The following TMEM45B variants were observed in gnomAD, a reference collection of about 807,000 sequenced individuals.
TMEM45B encodes transmembrane protein 45B.
In TMEM45B, 29 loss-of-function variants were observed where a neutral mutation model predicts 27.3. That is an observed-to-expected ratio of 1.06 (90% confidence interval 0.79 to 1.45). The LOEUF (loss-of-function observed/expected upper bound fraction) is 1.45, where lower values mean the gene tolerates loss of function less well. Ranked by LOEUF, TMEM45B falls within the 40% of genes most tolerant of loss-of-function variation. The pLI is 0.00. For synonymous variants in TMEM45B, 143 were observed against 134.7 expected, an observed-to-expected ratio of 1.06 and a Z score of -0.43; for missense variants, 348 against 343.9, an observed-to-expected ratio of 1.01 and a Z score of -0.09.
chr11:129,835,099 C>A (rs1321620051), intron 1 of TMEM45B, among the ~76,000 whole-genome samples: 8 of 152,216 alleles, frequency 5.3e-5, no homozygotes, highest in African/African-American at 1.9e-4. Flanking sequence ...CTGAAGGTGG[C>A]CTGATTTCTT....
intron 1 of TMEM45B, among the ~76,000 whole-genome samples, chr11:129,826,731 G>A (rs573353972): frequency 2.4e-4 from 35 of 143,456 alleles, no homozygotes; most frequent in Admixed American, 4.3e-4. Context: ...TTTTTGAGAC[G>A]GAGTCTCGAT....
chr11:129,843,115 A>AT (rs1480446385), intron 1 of TMEM45B, among the ~76,000 whole-genome samples: 3 of 152,238 alleles, frequency 2.0e-5, no homozygotes, highest in Non-Finnish European at 2.9e-5. Context: ...AATTTTTTGT[A>AT]TTTTTGGTAG....
chr11:129,837,277 G>C (rs1014107289), intron 1 of TMEM45B, among the ~76,000 whole-genome samples: 1 of 151,570 alleles, frequency 6.6e-6, no homozygotes, highest in African/African-American at 2.4e-5. Flanking sequence ...AGAGTGAGGG[G>C]TTTCTTTTTT....
At chr11:129,823,304 A>G (rs1404644889) in intron 1 of TMEM45B, among the ~76,000 whole-genome samples, 1 of 152,188 alleles carries the variant, frequency 6.6e-6, no homozygotes, top group Admixed American at 6.5e-5. Context: ...GTTTTAGATC[A>G]CGTGAAGGGA....
At chr11:129,828,137 A>C (rs1266812102) in intron 1 of TMEM45B, 1 of 152,174 alleles carries the variant, frequency 6.6e-6, no homozygotes, top group Non-Finnish European at 1.5e-5. Context: ...CCATTGTATT[A>C]TTTCCTTAGC....
At chr11:129,831,316 T>G (rs1394678459) in intron 1 of TMEM45B, among the ~76,000 whole-genome samples, 1 of 152,206 alleles carries the variant, frequency 6.6e-6, no homozygotes, top group Non-Finnish European at 1.5e-5. Flanking sequence ...CCAGCATCAC[T>G]ACTTTTTCAT....
chr11:129,852,768 G>A, intron 2 of TMEM45B, 108 bp downstream of exon 2: 2 of 1,240,290 alleles, frequency 1.6e-6, no homozygotes, highest in South Asian at 1.6e-5. Flanking sequence ...AGAGATAATA[G>A]GGCAACAATT....
intron 1 of TMEM45B, among the ~76,000 whole-genome samples, chr11:129,837,710 C>T (rs1392690745): frequency 6.7e-6 from 1 of 150,012 alleles, no homozygotes; most frequent in Non-Finnish European, 1.5e-5. Context: ...CCACCACACC[C>T]AGCTAATTTT....
At chr11:129,848,524 G>A (rs1021951739) in intron 1 of TMEM45B, among the ~76,000 whole-genome samples, 19 of 151,838 alleles carry the variant, frequency 1.3e-4, no homozygotes, top group Non-Finnish European at 2.4e-4. Flanking sequence ...AGAGGGAGAG[G>A]GAGAGGGCTT....
At chr11:129,819,528 T>G (rs1347275487) in intron 1 of TMEM45B, among the ~76,000 whole-genome samples, 1 of 152,038 alleles carries the variant, frequency 6.6e-6, no homozygotes, top group African/African-American at 2.4e-5. Flanking sequence ...GTCTTTTCTT[T>G]TCTTTTCTTT....
intron 5 of TMEM45B, 25 bp downstream of exon 5, chr11:129,857,483 T>G (rs755985154): frequency 6.2e-7 from 1 of 1,613,148 alleles, no homozygotes; most frequent in Non-Finnish European, 8.5e-7. Context: ...TCAGTGAAGC[T>G]TTTCCTCCTA....
At chr11:129,832,550 C>T (rs1217076640) in intron 1 of TMEM45B, among the ~76,000 whole-genome samples, 1 of 150,514 alleles carries the variant, frequency 6.6e-6, no homozygotes, top group Non-Finnish European at 1.5e-5. Context: ...GGGGGGCTGG[C>T]GGGAAACGGG....
chr11:129,839,044 C>T (rs1188556374), intron 1 of TMEM45B, among the ~76,000 whole-genome samples: 2 of 152,194 alleles, frequency 1.3e-5, no homozygotes, highest in African/African-American at 4.8e-5. Flanking sequence ...TCCTCATTCT[C>T]CCTTACTCTT....
rs1287129289 is a variant in TMEM45B, at chr11:129,859,322, G to A, written c.*637G>A. ...GATTTTTTTTTAAATCAGGAAGCTG[G>A]TTACTGGCTCTACTGAGAGTTGGAG... On this transcript the variant is annotated 3_prime_UTR_variant, in exon 6 of 6. Coordinates refer to ENST00000281441, the MANE Select transcript of TMEM45B (RefSeq NM_138788.5). The A allele has an allele frequency of 6.6e-6, 1 of 151,996 alleles. No homozygotes were observed. Among genetic ancestry groups the A allele is most frequent in the African/African-American group, 2.4e-5 (1 of 41,366 alleles). 9.4% of individuals were successfully genotyped at this position (151,996 alleles called of 1,614,324 possible).
intron 1 of TMEM45B, among the ~76,000 whole-genome samples, chr11:129,843,028 C>G (rs1947714087): frequency 6.6e-6 from 1 of 152,248 alleles, no homozygotes; most frequent in African/African-American, 2.4e-5. Context: ...TAACCTCCGC[C>G]TCTCAGGTTC....
intron 1 of TMEM45B, among the ~76,000 whole-genome samples, chr11:129,833,529 C>G (rs1947579661): frequency 6.6e-6 from 1 of 152,040 alleles, no homozygotes; most frequent in Admixed American, 6.6e-5. Context: ...AATCCCAGCA[C>G]TTTGGGAGGC....
intron 1 of TMEM45B, among the ~76,000 whole-genome samples, chr11:129,835,751 G>A (rs1947612269): frequency 6.6e-6 from 1 of 152,184 alleles, no homozygotes; most frequent in South Asian, 2.1e-4. Flanking sequence ...GAATCAGGGT[G>A]ATGGCCCTGG....
At chr11:129,854,476 G>T (rs188457264) in intron 2 of TMEM45B, 134 bp from the exon 3 acceptor site, 1 of 772,226 alleles carries the variant, frequency 1.3e-6, no homozygotes, top group Non-Finnish European at 2.2e-6. Flanking sequence ...AGGCAGCAAA[G>T]TAGCTCTGCT....
At chr11:129,821,872 G>C (rs1488126528) in intron 1 of TMEM45B, among the ~76,000 whole-genome samples, 1 of 151,854 alleles carries the variant, frequency 6.6e-6, no homozygotes, top group African/African-American at 2.4e-5. Flanking sequence ...GGGGTGGGGG[G>C]AATACAGGGA....
Sources: allele counts gnomAD v4.1 joint callset (sites outside exome capture counted in the v4.1 genomes callset), GRCh38; gene constraint gnomAD v4.1.1; transcripts MANE v1.5; gene names NCBI Gene and HGNC (gene_info 2026-07-23, HGNC 2026-07-21).